CNTN5: variants seen among roughly 807,000 people sequenced by gnomAD.
The protein encoded by CNTN5 is contactin 5, also known as contactin-5.
CNTN5 carries 77 observed loss-of-function variants against 129.1 expected under a neutral mutation model. The observed-to-expected ratio is 0.60, with a 90% CI of 0.50 to 0.72. The LOEUF (loss-of-function observed/expected upper bound fraction) is 0.72. Ranked by LOEUF, CNTN5 falls within the 30% of genes least tolerant of loss-of-function variation. The pLI is 0.00. For synonymous variants in CNTN5, 509 were observed against 465.6 expected, an observed-to-expected ratio of 1.09 and a Z score of -1.20; for missense variants, 1,478 against 1,328.8, an observed-to-expected ratio of 1.11 and a Z score of -1.75.
chr11:99,384,137 T>C (rs1481961674), intron 2 of CNTN5, among the ~76,000 whole-genome samples: 1 of 152,096 alleles, frequency 6.6e-6, no homozygotes, highest in African/African-American at 2.4e-5. Context: ...CCTCCTCCTT[T>C]CAAAAAGCTT....
chr11:99,228,027 C>T (rs1266522267), intron 1 of CNTN5, among the ~76,000 whole-genome samples: 1 of 151,866 alleles, frequency 6.6e-6, no homozygotes, highest in Non-Finnish European at 1.5e-5. Flanking sequence ...TGTATTGTAC[C>T]ATCGCTTGAT....
intron 15 of CNTN5, among the ~76,000 whole-genome samples, chr11:100,219,166 A>C (rs962380357): frequency 1.3e-5 from 2 of 152,208 alleles, no homozygotes; most frequent in African/African-American, 4.8e-5. Flanking sequence ...AGGTATGAGG[A>C]AAGCTGGTCC....
chr11:99,199,948 C>T (rs1217096917), intron 1 of CNTN5, among the ~76,000 whole-genome samples: 2 of 150,782 alleles, frequency 1.3e-5, no homozygotes, highest in East Asian at 3.9e-4. Context: ...ACTTTGCGAA[C>T]ACCAATATAT....
At chr11:99,460,256 A>T (rs1944645024) in intron 2 of CNTN5, among the ~76,000 whole-genome samples, 1 of 151,540 alleles carries the variant, frequency 6.6e-6, no homozygotes, top group Non-Finnish European at 1.5e-5. Flanking sequence ...TTTTTAAAGA[A>T]ATATTTAAGA....
At chr11:99,546,167 T>G (rs963931290) in intron 2 of CNTN5, among the ~76,000 whole-genome samples, 1 of 152,190 alleles carries the variant, frequency 6.6e-6, no homozygotes, top group African/African-American at 2.4e-5. Context: ...GGAATGTCAT[T>G]TGATGCTGTG....
chr11:100,193,555 T>A lies in CNTN5; in HGVS notation c.1776T>A (p.Asn592Lys). The A allele has an allele frequency of 6.2e-7, 1 of 1,611,526 alleles. No homozygotes were observed. The highest frequency in any genetic ancestry group is 8.5e-7 in the Non-Finnish European group (1 of 1,178,382). The change falls in exon 15 of 25, where the codon AAT (asparagine) becomes AAA (lysine). Residue 592 changes from asparagine to lysine, a missense_variant. Transcript: ENST00000524871. ...CAGTGGGAGAAAGCATTGTCCTTAA[T>A]TGCAAAGCAATTCACGATGCTAGTT... ...ELTVGESIVL[N>K]CKAIHDASLD...
At chr11:99,462,931 A>AAAAAC (rs1031777761) in intron 2 of CNTN5, among the ~76,000 whole-genome samples, 14 of 151,966 alleles carry the variant, frequency 9.2e-5, no homozygotes, top group African/African-American at 1.5e-4. Context: ...CTAAAAATAC[A>AAAAAC]AAAACAAAAC....
intron 4 of CNTN5, chr11:99,844,636 G>A (rs200537738): frequency 7.2e-5 from 38 of 528,904 alleles, no homozygotes; most frequent in African/African-American, 3.7e-4. Flanking sequence ...TGTATTACAC[G>A]TTTAACAGCA....
chr11:99,354,045 T>A (rs944942047), intron 2 of CNTN5, among the ~76,000 whole-genome samples: 2 of 152,330 alleles, frequency 1.3e-5, no homozygotes, highest in Non-Finnish European at 2.9e-5. Flanking sequence ...TCATAGCATT[T>A]TTAGCAATCT....
intron 6 of CNTN5, among the ~76,000 whole-genome samples, chr11:99,872,897 A>T: frequency 6.6e-6 from 1 of 152,194 alleles, no homozygotes; most frequent in East Asian, 1.9e-4. Context: ...CATCTAAAAA[A>T]TAAGAATAAC....
intron 1 of CNTN5, among the ~76,000 whole-genome samples, chr11:99,229,867 A>G (rs2135725258): frequency 6.6e-6 from 1 of 152,232 alleles, no homozygotes; most frequent in East Asian, 1.9e-4. Context: ...TCTTTAAAAA[A>G]GAGTATCTGT....
chr11:99,061,105 C>T (rs988524370), intron 1 of CNTN5, among the ~76,000 whole-genome samples: 28 of 152,008 alleles, frequency 1.8e-4, no homozygotes, highest in Admixed American at 2.6e-4. Context: ...TGGGAATTGT[C>T]CAATCCACCA....
intron 3 of CNTN5, among the ~76,000 whole-genome samples, chr11:99,738,027 G>A (rs946378125): frequency 3.3e-5 from 5 of 152,156 alleles, no homozygotes; most frequent in African/African-American, 7.2e-5. Flanking sequence ...AACAGAAAAC[G>A]TCTATGCAGT....
At chr11:99,284,602 T>C (rs566992699) in intron 1 of CNTN5, among the ~76,000 whole-genome samples, 1 of 700 alleles carries the variant, frequency 1.4e-3, no homozygotes, top group Non-Finnish European at 6.1e-3. Flanking sequence ...AGATGAGTGG[T>C]GTGTGTGTGT....
intron 1 of CNTN5, among the ~76,000 whole-genome samples, chr11:99,256,272 T>A (rs1428219744): frequency 6.6e-6 from 1 of 152,094 alleles, no homozygotes; most frequent in Non-Finnish European, 1.5e-5. Context: ...TATACAAATG[T>A]CAAGCATTTA....
At chr11:99,308,493 G>T (rs1225579870) in intron 1 of CNTN5, among the ~76,000 whole-genome samples, 1 of 152,088 alleles carries the variant, frequency 6.6e-6, no homozygotes, top group East Asian at 1.9e-4. Flanking sequence ...ACATAAGTTT[G>T]AGAATTGACT....
chr11:99,780,884 C>T (rs984902699), intron 3 of CNTN5, among the ~76,000 whole-genome samples: 1 of 151,886 alleles, frequency 6.6e-6, no homozygotes, highest in African/African-American at 2.4e-5. Flanking sequence ...GAGAGAGAAT[C>T]CTTGGTAAAT....
intron 24 of CNTN5, among the ~76,000 whole-genome samples, chr11:100,351,648 T>C (rs1952414985): frequency 8.0e-6 from 1 of 125,314 alleles, no homozygotes; most frequent in Non-Finnish European, 1.6e-5. Flanking sequence ...AACCATTTCG[T>C]AGAGATAGTA....
intron 9 of CNTN5, among the ~76,000 whole-genome samples, chr11:100,028,273 C>T (rs1234592537): frequency 6.6e-6 from 1 of 152,010 alleles, no homozygotes; most frequent in Non-Finnish European, 1.5e-5. Context: ...TTTTTCAGTG[C>T]CAAGTGACAA....
Sources: allele counts gnomAD v4.1 joint callset (sites outside exome capture counted in the v4.1 genomes callset), GRCh38; gene constraint gnomAD v4.1.1; transcripts MANE v1.5; gene names NCBI Gene and HGNC (gene_info 2026-07-23, HGNC 2026-07-21).